The following RBFOX1 variants were observed in gnomAD, a reference collection of about 807,000 sequenced individuals.
The protein encoded by RBFOX1 is RNA binding protein fox-1 homolog 1.
In RBFOX1, 8 loss-of-function variants were observed where a neutral mutation model predicts 57.7. The ratio of observed to expected loss-of-function variants is 0.14; its 90% confidence interval spans 0.08 to 0.25. The LOEUF (loss-of-function observed/expected upper bound fraction) is 0.25. RBFOX1 is among the 10% of genes least tolerant of loss of function. The pLI is 1.00. For missense variants in RBFOX1, 611 were observed against 548.5 expected, an observed-to-expected ratio of 1.11 and a Z score of -1.14; for synonymous variants, 326 against 222.4, an observed-to-expected ratio of 1.47 and a Z score of -4.15.
At chr16:7,414,917 C>G (rs1472923054) in intron 4 of RBFOX1, among the ~76,000 whole-genome samples, 1 of 152,158 alleles carries the variant, frequency 6.6e-6, no homozygotes, top group Non-Finnish European at 1.5e-5. Context: ...CGGCGCCCAG[C>G]CCTTATTTCT....
intron 4 of RBFOX1, among the ~76,000 whole-genome samples, chr16:7,176,576 G>A (rs2081694958): frequency 6.6e-6 from 1 of 152,126 alleles, no homozygotes; most frequent in Non-Finnish European, 1.5e-5. Flanking sequence ...TATCGATTAT[G>A]GCTGTGTTTG....
At chr16:6,669,011 T>G (rs973016005) in intron 3 of RBFOX1, among the ~76,000 whole-genome samples, 1 of 152,106 alleles carries the variant, frequency 6.6e-6, no homozygotes, top group Non-Finnish European at 1.5e-5. Flanking sequence ...TTGGTGGGTT[T>G]TATTATCCCA....
intron 3 of RBFOX1, among the ~76,000 whole-genome samples, chr16:6,971,831 G>A (rs1414205043): frequency 1.3e-5 from 2 of 152,108 alleles, no homozygotes; most frequent in Non-Finnish European, 2.9e-5. Flanking sequence ...AAGGCTAAGA[G>A]CAGAGAAGTG....
chr16:6,982,519 C>G (rs1178897791), intron 3 of RBFOX1, among the ~76,000 whole-genome samples: 1 of 152,132 alleles, frequency 6.6e-6, no homozygotes, highest in Admixed American at 6.6e-5. Context: ...TCTCAGACGG[C>G]CTCGCCCTCT....
At chr16:5,318,023 G>A (rs1441717309) in intron 1 of RBFOX1, among the ~76,000 whole-genome samples, 2 of 152,168 alleles carry the variant, frequency 1.3e-5, no homozygotes, top group Admixed American at 1.3e-4. Flanking sequence ...GTGCAGGAAG[G>A]GAGCTGTGGG....
chr16:7,422,026 G>C, intron 4 of RBFOX1, among the ~76,000 whole-genome samples: 1 of 152,148 alleles, frequency 6.6e-6, no homozygotes, highest in East Asian at 1.9e-4. Context: ...GAGTGATAAA[G>C]GAAACACAGT....
At chr16:6,563,459 A>G (rs1169742310) in intron 2 of RBFOX1, among the ~76,000 whole-genome samples, 2 of 152,130 alleles carry the variant, frequency 1.3e-5, no homozygotes, top group Non-Finnish European at 2.9e-5. Context: ...TGTAAGTCAA[A>G]AAATTTGGTG....
intron 4 of RBFOX1, among the ~76,000 whole-genome samples, chr16:7,135,730 C>G (rs1481493849): frequency 6.6e-6 from 1 of 152,222 alleles, no homozygotes; most frequent in African/African-American, 2.4e-5. Flanking sequence ...CAATTTAACC[C>G]TGTCTTCCTC....
intron 14 of RBFOX1, among the ~76,000 whole-genome samples, chr16:7,681,555 T>C (rs1568431608): frequency 6.6e-6 from 1 of 152,148 alleles, no homozygotes; most frequent in African/African-American, 2.4e-5. Context: ...TCCATTTTAA[T>C]TGGAGTTCTT....
At chr16:6,899,542 T>C (rs2067931587) in intron 3 of RBFOX1, among the ~76,000 whole-genome samples, 1 of 152,236 alleles carries the variant, frequency 6.6e-6, no homozygotes. Flanking sequence ...TAGAGACACC[T>C]GGATGTAGAT....
rs143442707 is a variant in RBFOX1, at chr16:7,137,820, C to T, written c.27+85722C>T. On this transcript the variant is annotated intron_variant, in intron 4 of 15. Coordinates refer to ENST00000550418, the MANE Select transcript of RBFOX1 (RefSeq NM_018723.4). Reference sequence around the variant, plus strand: ...AAAGGGGAAGGTTGTAGTTCATCTGCAAATGTATGTGCACAGGCTCACTAC... The same window carrying T: ...AAAGGGGAAGGTTGTAGTTCATCTGTAAATGTATGTGCACAGGCTCACTAC... 1.1e-4 allele frequency among the ~76,000 whole-genome samples: 17 copies of T among 152,328 alleles called. No homozygotes were observed. The East Asian group carries it at 3.1e-3, about 28-fold the overall frequency.
intron 4 of RBFOX1, among the ~76,000 whole-genome samples, chr16:7,229,510 GGAAAGGAAAGGAGAGGAGAGGGA>G (rs2093351296): frequency 6.7e-6 from 1 of 149,276 alleles, no homozygotes; most frequent in Non-Finnish European, 1.5e-5. Context: ...AGGAAGGAAG[GGAAAGGAAAGGAGAGGAGAGGGA>G]GGAAGGGAAG....
intron 3 of RBFOX1, among the ~76,000 whole-genome samples, chr16:5,719,362 C>T (rs1042231640): frequency 1.7e-4 from 25 of 147,460 alleles, no homozygotes; most frequent in South Asian, 6.3e-4. Context: ...CCACCATGCC[C>T]GGCTAATTTT....
intron 3 of RBFOX1, among the ~76,000 whole-genome samples, chr16:6,742,631 C>G (rs1603492164): frequency 1.3e-5 from 2 of 152,194 alleles, no homozygotes; most frequent in African/African-American, 2.4e-5. Context: ...GATACCCGTA[C>G]TGTGAACTAC....
chr16:7,451,485 C>T (rs910789628), intron 4 of RBFOX1, among the ~76,000 whole-genome samples: 1 of 152,108 alleles, frequency 6.6e-6, no homozygotes, highest in African/African-American at 2.4e-5. Flanking sequence ...AATGCAAGCC[C>T]ACTGCAAATG....
chr16:5,722,716 A>G (rs2051981628), intron 3 of RBFOX1, among the ~76,000 whole-genome samples: 1 of 152,170 alleles, frequency 6.6e-6, no homozygotes, highest in Non-Finnish European at 1.5e-5. Context: ...TCCCAGCTTC[A>G]GGCTTCATGG....
intron 4 of RBFOX1, among the ~76,000 whole-genome samples, chr16:7,082,635 A>C (rs1199226782): frequency 6.6e-6 from 1 of 152,138 alleles, no homozygotes; most frequent in Non-Finnish European, 1.5e-5. Context: ...GTCATTTTTC[A>C]CATTTCGTTC....
At chr16:6,359,456 A>G (rs1346141406) in intron 2 of RBFOX1, among the ~76,000 whole-genome samples, 1 of 152,164 alleles carries the variant, frequency 6.6e-6, no homozygotes, top group East Asian at 1.9e-4. Flanking sequence ...ACTTTCAGCC[A>G]CCTGATAGGA....
chr16:5,526,735 T>A (rs532959902), intron 2 of RBFOX1, among the ~76,000 whole-genome samples: 82 of 152,196 alleles, frequency 5.4e-4, no homozygotes, highest in Non-Finnish European at 6.0e-4. Context: ...TCCCCCAGCC[T>A]GCATCCACGT....
Sources: gnomAD v4.1 joint callset for allele counts (sites outside exome capture counted in the v4.1 genomes callset) on GRCh38, gnomAD v4.1.1 for gene constraint, MANE v1.5 for transcripts, NCBI Gene and HGNC (gene_info 2026-07-23, HGNC 2026-07-21) for gene names.